The following MYLK variants were observed in gnomAD, a reference collection of about 807,000 sequenced individuals.
MYLK encodes myosin light chain kinase, smooth muscle.
Under a neutral mutation model 203.4 loss-of-function variants are expected in MYLK, and 106 were observed. The observed-to-expected ratio is 0.52, with a 90% CI of 0.45 to 0.61. The LOEUF is 0.61. Ranked by LOEUF, MYLK falls within the 20% of genes least tolerant of loss-of-function variation. The pLI is 0.00. For missense variants in MYLK, 2,072 were observed against 2,442.3 expected (o/e 0.85, Z 3.20); for synonymous variants, 867 against 959.5 (o/e 0.90, Z 1.78).
chr3:123,650,745 G>C (rs997625354), intron 24 of MYLK, among the ~76,000 whole-genome samples: 41 of 152,186 alleles, frequency 2.7e-4, no homozygotes, highest in African/African-American at 8.9e-4. Flanking sequence ...GGAGAGTTAA[G>C]AGTGGCATTG....
chr3:123,663,310 A>G (rs2059624903), intron 23 of MYLK, among the ~76,000 whole-genome samples: 2 of 152,194 alleles, frequency 1.3e-5, no homozygotes, highest in African/African-American at 4.8e-5. Flanking sequence ...GATGAAGGAA[A>G]TCCTGGTATG....
In MYLK at chr3:123,612,136, T is replaced by C. The variant is rs1259993798; in HGVS notation, c.*1969A>G. On this transcript the variant is annotated 3_prime_UTR_variant, in exon 34 of 34. Coordinates refer to ENST00000360304, the MANE Select transcript of MYLK (RefSeq NM_053025.4). The stretch of plus-strand genomic sequence containing the variant: ...CTAAATGTGTAAATTCGGCTACCTA[T>C]ATAAACAAGAACTTCCTAAATCATT... The C allele has an allele frequency of 2.0e-5, 3 of 152,650 alleles. No homozygotes were observed. The highest frequency in any genetic ancestry group is 4.4e-5 in the Non-Finnish European group (3 of 68,044). 9.5% of individuals were successfully genotyped at this position (152,650 alleles called of 1,614,324 possible). A position where few individuals can be genotyped will look rare whatever the true frequency, so the allele number is the denominator to read the frequency against.
At chr3:123,827,090 C>T (rs1560268330) in intron 3 of MYLK, among the ~76,000 whole-genome samples, 1 of 151,912 alleles carries the variant, frequency 6.6e-6, no homozygotes, top group Non-Finnish European at 1.5e-5. Flanking sequence ...ATATGAAATG[C>T]CAGAAAAACA....
chr3:123,835,584 T>A (rs1013325558), intron 2 of MYLK, among the ~76,000 whole-genome samples: 3 of 152,162 alleles, frequency 2.0e-5, no homozygotes, highest in Non-Finnish European at 2.9e-5. Context: ...CAAATACAGT[T>A]ATATGGTTTG....
At chr3:123,876,537 C>G (rs1266243601) in intron 2 of MYLK, 22 bp downstream of exon 2, 2 of 152,114 alleles carry the variant, frequency 1.3e-5, no homozygotes, top group East Asian at 3.8e-4. Context: ...ATATAAGAAT[C>G]CATCTTTTAT....
chr3:123,840,296 G>A (rs2066559575), intron 2 of MYLK, among the ~76,000 whole-genome samples: 1 of 150,548 alleles, frequency 6.6e-6, no homozygotes. Flanking sequence ...AGGCTGATCA[G>A]GAAAAAAAGA....
intron 13 of MYLK, among the ~76,000 whole-genome samples, chr3:123,716,654 G>A (rs992386977): frequency 1.1e-4 from 17 of 152,154 alleles, no homozygotes; most frequent in African/African-American, 1.9e-4. Flanking sequence ...CCCTCCCAGT[G>A]CGGGCCTGGA....
In MYLK at chr3:123,613,441, T is replaced by C. The variant is rs2057301753; in HGVS notation, c.*664A>G. The C allele has an allele frequency of 6.6e-6, 1 of 152,604 alleles. No homozygotes were observed. Among genetic ancestry groups the C allele is most frequent in the East Asian group, 1.9e-4 (1 of 5,202 alleles). The allele number at this position is 152,604 out of a possible 1,614,324, so 9.5% of individuals were successfully genotyped here. ...TCCTACTGATTTTGGAAGAAAAATA[T>C]TTTCCTAAGGAAGCCAGAGTCATCC... is the stretch of plus-strand genomic sequence containing the variant. On this transcript the variant is annotated 3_prime_UTR_variant, in exon 34 of 34. Coordinates refer to ENST00000360304, the MANE Select transcript of MYLK (RefSeq NM_053025.4).
rs544969412 is a variant in MYLK at position 123,694,920 on chromosome 3, T to G, written c.3449-2069A>C. 1.7e-3 allele frequency among the ~76,000 whole-genome samples: 259 copies of G among 151,642 alleles called. 1 individual carries two copies. The highest frequency in any genetic ancestry group is 5.9e-3 in the African/African-American group (244 of 41,406). On this transcript the variant is annotated intron_variant, in intron 18 of 33. Coordinates refer to ENST00000360304, the MANE Select transcript of MYLK (RefSeq NM_053025.4). ...TAGAAGAAAAGCTGTTTCCCAGAGGTTTTTTTTTGAGAAGCCTCAGCCTGG... is the reference window on the plus strand; with the variant it reads ...TAGAAGAAAAGCTGTTTCCCAGAGGGTTTTTTTTGAGAAGCCTCAGCCTGG...
chr3:123,841,716 C>G (rs925975458), intron 2 of MYLK, among the ~76,000 whole-genome samples: 4 of 152,132 alleles, frequency 2.6e-5, no homozygotes, highest in Non-Finnish European at 5.9e-5. Flanking sequence ...CACCCACTCC[C>G]TCTTTAACCC....
chr3:123,682,861 C>T (rs534411377), intron 19 of MYLK, among the ~76,000 whole-genome samples: 3 of 152,286 alleles, frequency 2.0e-5, no homozygotes, highest in Admixed American at 2.0e-4. Context: ...ACCTCTGAGA[C>T]GGGGTCTAGG....
chr3:123,654,418 G>C (rs910625704), intron 24 of MYLK, among the ~76,000 whole-genome samples: 1 of 152,134 alleles, frequency 6.6e-6, no homozygotes, highest in Non-Finnish European at 1.5e-5. Flanking sequence ...CTAGCTCCCT[G>C]GTGATGCCAG....
intron 32 of MYLK, 87 bp downstream of exon 32, chr3:123,620,120 A>AT: frequency 1.7e-6 from 2 of 1,190,348 alleles, no homozygotes; most frequent in Non-Finnish European, 2.5e-6. Context: ...AAAAAAAAAA[A>AT]GAACAAAACC....
At chr3:123,631,481 C>A (rs1382056057) in intron 29 of MYLK, among the ~76,000 whole-genome samples, 1 of 151,986 alleles carries the variant, frequency 6.6e-6, no homozygotes, top group Non-Finnish European at 1.5e-5. Context: ...GTCCCTTCTC[C>A]CAAATGCTTA....
At chr3:123,631,698 T>A (rs1194210873) in intron 29 of MYLK, among the ~76,000 whole-genome samples, 1 of 152,104 alleles carries the variant, frequency 6.6e-6, no homozygotes, top group African/African-American at 2.4e-5. Context: ...GAATAATAGA[T>A]CTTTGTGGAT....
Position 123,700,245 on chromosome 3 carries a change from C to T in MYLK, c.3223G>A (p.Val1075Met), listed in dbSNP as rs1381421612. ...CCTGCATGGCCTCTCTTGCAGTTCA[C>T]ATCATTCTTAACGTCTTTCTTGAGT... ...EELKKDVKND[V>M]NCKRGHAGTT... The change falls in exon 18 of 34, where the codon GTG (valine) becomes ATG (methionine). Residue 1075 changes from valine to methionine, a missense_variant. Val to Met is a conservative substitution (Grantham distance 21). Around this residue, in one of 3 missense-constraint regions of MYLK, gnomAD observed 865 missense variants for 1,016.0 expected, o/e 0.85. Coordinates refer to ENST00000360304, the MANE Select transcript of MYLK (RefSeq NM_053025.4). The T allele has an allele frequency of 1.2e-6, 2 of 1,613,366 alleles. No homozygotes were observed. Among genetic ancestry groups the T allele is most frequent in the South Asian group, 1.1e-5 (1 of 90,956 alleles).
chr3:123,852,465 T>C (rs150459975), intron 2 of MYLK, among the ~76,000 whole-genome samples: 21 of 152,316 alleles, frequency 1.4e-4, no homozygotes, highest in African/African-American at 4.8e-4. Flanking sequence ...TGGAAGGGTG[T>C]ATGTGTCCAG....
Position 123,618,511 on chromosome 3 carries a change from C to A in MYLK, c.5500+128G>T. ...GCAGCTCCTGCTGACCCAGTTTCCC[C>A]CAAAGCTTGGCAGTTCCTCATTGTC... On this transcript the variant is annotated intron_variant, in intron 33 of 33. Transcript: ENST00000360304. 3.7e-6 allele frequency: 5 copies of A among 1,343,544 alleles called. 1 individual carries two copies. The highest frequency in any genetic ancestry group is 2.0e-4 in the Middle Eastern group (1 of 4,992). 83.2% of individuals were successfully genotyped at this position (1,343,544 alleles called of 1,614,324 possible). A position where few individuals can be genotyped will look rare whatever the true frequency, so the allele number is the denominator to read the frequency against.
intron 16 of MYLK, among the ~76,000 whole-genome samples, chr3:123,705,510 G>C (rs1180964217): frequency 2.0e-5 from 3 of 152,180 alleles, no homozygotes; most frequent in African/African-American, 7.2e-5. Flanking sequence ...TCTGTTACTT[G>C]CCTTTGGATG....
Sources: gnomAD v4.1 joint callset for allele counts (sites outside exome capture counted in the v4.1 genomes callset) on GRCh38, gnomAD v4.1.1 for gene constraint, gnomAD v4.1.1 regional missense constraint, MANE v1.5 for transcripts, NCBI Gene and HGNC (gene_info 2026-07-23, HGNC 2026-07-21) for gene names.